Variants in DTNA observed in about 807,000 individuals in gnomAD.
DTNA encodes the protein dystrophin-related protein 3.
In DTNA, 43 loss-of-function variants were observed where a neutral mutation model predicts 100.7. The observed-to-expected ratio is 0.43, with a 90% CI of 0.33 to 0.55. DTNA has a LOEUF of 0.55. Among genes scored for constraint, DTNA ranks in the 20% least tolerant of loss-of-function variants. DTNA has a pLI of 0.04. For missense variants in DTNA, 798 were observed against 953.9 expected (o/e 0.84, Z 2.15); for synonymous variants, 349 against 347.9 (o/e 1.00, Z -0.04).
At chr18:34,686,979 C>T (rs1017579386) in intron 1 of DTNA, among the ~76,000 whole-genome samples, 4 of 152,090 alleles carry the variant, frequency 2.6e-5, no homozygotes, top group African/African-American at 9.7e-5. Context: ...TCTGTGGGAT[C>T]AGTGGTGATC....
In DTNA at chr18:34,888,411, T is replaced by C; in HGVS notation, c.*677T>C. The C allele has an allele frequency of 1.0e-6, 1 of 985,860 alleles. No individual in the cohort carries two copies. The highest frequency in any genetic ancestry group is 1.2e-6 in the Non-Finnish European group (1 of 829,934). 61.1% of individuals were successfully genotyped at this position (985,860 alleles called of 1,614,324 possible). On this transcript the variant is annotated 3_prime_UTR_variant, in exon 23 of 23. Coordinates refer to ENST00000444659, the MANE Select transcript of DTNA (RefSeq NM_001386795.1). Reference sequence around the variant, plus strand: ...CGGTCTGTAGTTGACTCCAAGTCTCTGTGAGCAGTGACTTGAACCAAACAC... The same window carrying C: ...CGGTCTGTAGTTGACTCCAAGTCTCCGTGAGCAGTGACTTGAACCAAACAC...
In DTNA at chr18:34,494,860, T is replaced by C. The variant is rs546776531; in HGVS notation, c.-2+1346T>C. On this transcript the variant is annotated intron_variant, in intron 1 of 19. Transcript: ENST00000283365. ...CAGAGATACTTGTATTGTTGAAGTG[T>C]ACAGTTACTGATTTCTTTAAAAAAT... Among the ~76,000 whole-genome samples, 3 of 152,338 alleles carry C rather than the reference T, an allele frequency of 2.0e-5. No individual in the cohort carries two copies. In the East Asian group the frequency reaches 5.8e-4, roughly 29 times the overall value.
chr18:34,595,481 T>A (rs2050409522), intron 1 of DTNA, among the ~76,000 whole-genome samples: 1 of 152,222 alleles, frequency 6.6e-6, no homozygotes. Flanking sequence ...AGACAAATAT[T>A]TCTCTGCTAC....
At chr18:34,638,322 A>G (rs2058875625) in intron 1 of DTNA, among the ~76,000 whole-genome samples, 1 of 152,222 alleles carries the variant, frequency 6.6e-6, no homozygotes, top group African/African-American at 2.4e-5. Context: ...AAAATACATT[A>G]TTTCCTTTAC....
intron 3 of DTNA, among the ~76,000 whole-genome samples, chr18:34,781,574 C>T (rs1407418747): frequency 6.6e-6 from 1 of 152,000 alleles, no homozygotes; most frequent in Admixed American, 6.6e-5. Flanking sequence ...ACTCAAGATA[C>T]CTATAAATGA....
chr18:34,599,752 A>G (rs778683468), intron 1 of DTNA, among the ~76,000 whole-genome samples: 1 of 152,138 alleles, frequency 6.6e-6, no homozygotes, highest in Non-Finnish European at 1.5e-5. Context: ...CTGTCAGCTC[A>G]CTGCAGCCTC....
intron 3 of DTNA, among the ~76,000 whole-genome samples, chr18:34,784,973 G>A (rs1244327008): frequency 1.4e-5 from 2 of 146,214 alleles, no homozygotes; most frequent in African/African-American, 2.5e-5. Flanking sequence ...TTGCTCTGTC[G>A]CCCAGGCTGG....
intron 13 of DTNA, among the ~76,000 whole-genome samples, chr18:34,844,214 GT>G (rs1427934450): frequency 6.6e-6 from 1 of 152,104 alleles, no homozygotes; most frequent in African/African-American, 2.4e-5. Flanking sequence ...CAATAAAGGA[GT>G]TTAAAGGTCT....
rs370626661 is a variant in DTNA at position 34,775,272 on chromosome 18, G to A, written c.148+9231G>A. On this transcript the variant is annotated intron_variant, in intron 3 of 22. Transcript: ENST00000444659. ...GAGGCCGAGGCGGGCGGATCACAAG[G>A]TCAGGAGATCGAGACGATCCTGGTG... Among the ~76,000 whole-genome samples, 22 of 152,276 alleles carry A rather than the reference G, an allele frequency of 1.4e-4. No individual in the cohort carries two copies. The East Asian group carries it at 3.9e-3, about 27-fold the overall frequency.
intron 1 of DTNA, among the ~76,000 whole-genome samples, chr18:34,570,889 A>C (rs980227139): frequency 6.6e-6 from 1 of 152,168 alleles, no homozygotes; most frequent in Non-Finnish European, 1.5e-5. Context: ...GGAGGAGTGA[A>C]GGATACCTAA....
chr18:34,635,955 T>G (rs974834486), intron 1 of DTNA, among the ~76,000 whole-genome samples: 1 of 152,194 alleles, frequency 6.6e-6, no homozygotes, highest in African/African-American at 2.4e-5. Flanking sequence ...TAACCATAGT[T>G]TGTCTGTCAG....
chr18:34,511,265 A>G (rs576057091), intron 1 of DTNA, among the ~76,000 whole-genome samples: 56 of 152,244 alleles, frequency 3.7e-4, no homozygotes, highest in African/African-American at 1.3e-3. Context: ...AAAATGGTGA[A>G]TATATACTTA....
At chr18:34,688,787 C>T (rs1009722758) in intron 1 of DTNA, among the ~76,000 whole-genome samples, 20 of 152,128 alleles carry the variant, frequency 1.3e-4, no homozygotes, top group Admixed American at 7.9e-4. Context: ...ACCAATCAAA[C>T]GTAGATTTTG....
At chr18:34,862,124 CAAAA>C (rs1002538086) in intron 16 of DTNA, among the ~76,000 whole-genome samples, 2 of 56,248 alleles carry the variant, frequency 3.6e-5, no homozygotes, top group Non-Finnish European at 7.2e-5. Context: ...CAGACAAGGT[CAAAA>C]AAAAAAAAAA....
At chr18:34,525,131 T>TG (rs1380051980) in intron 1 of DTNA, among the ~76,000 whole-genome samples, 1 of 152,164 alleles carries the variant, frequency 6.6e-6, no homozygotes, top group Non-Finnish European at 1.5e-5. Flanking sequence ...GGGACTGAGA[T>TG]GAAGTTCTTT....
intron 1 of DTNA, among the ~76,000 whole-genome samples, chr18:34,506,170 G>A (rs914256730): frequency 5.9e-5 from 9 of 152,174 alleles, no homozygotes; most frequent in African/African-American, 1.7e-4. Context: ...ACACACTAGG[G>A]GGACAGAAGA....
intron 15 of DTNA, among the ~76,000 whole-genome samples, chr18:34,855,796 T>C (rs2096545356): frequency 1.3e-5 from 2 of 152,352 alleles, no homozygotes; most frequent in South Asian, 4.1e-4. Flanking sequence ...TTGGTTGCAC[T>C]GTTAATTAAC....
At chr18:34,617,840 G>T (rs1046069559) in intron 1 of DTNA, among the ~76,000 whole-genome samples, 1 of 152,140 alleles carries the variant, frequency 6.6e-6, no homozygotes, top group Non-Finnish European at 1.5e-5. Flanking sequence ...ACTTTTGTGT[G>T]CACTGGGAAG....
intron 17 of DTNA, chr18:34,866,275 A>G (rs539808302): frequency 9.0e-6 from 14 of 1,560,076 alleles, no homozygotes; most frequent in Admixed American, 3.8e-5. Flanking sequence ...TTCTTTTTCA[A>G]TGTAGTGCTT....
Sources: allele counts gnomAD v4.1 joint callset (sites outside exome capture counted in the v4.1 genomes callset), GRCh38; gene constraint gnomAD v4.1.1; transcripts MANE v1.5; gene names NCBI Gene and HGNC (gene_info 2026-07-23, HGNC 2026-07-21).